Variants in PRKG1 observed in about 807,000 individuals in gnomAD.
The protein encoded by PRKG1 is cGMP-dependent protein kinase 1.
A neutral mutation model predicts 88.1 loss-of-function variants in PRKG1; 35 were observed. That is an observed-to-expected ratio of 0.40 (90% CI 0.30 to 0.53). PRKG1 has a LOEUF of 0.53. Ranked by LOEUF, PRKG1 falls within the 20% of genes least tolerant of loss-of-function variation. The pLI, the probability that PRKG1 is intolerant of heterozygous loss-of-function variation, is 0.59. For missense variants in PRKG1, 540 were observed against 839.8 expected, an observed-to-expected ratio of 0.64 and a Z score of 4.41; for synonymous variants, 303 against 292.5, an observed-to-expected ratio of 1.04 and a Z score of -0.37.
At chr10:51,241,898 A>G (rs1250405088) in intron 2 of PRKG1, among the ~76,000 whole-genome samples, 1 of 152,104 alleles carries the variant, frequency 6.6e-6, no homozygotes, top group Admixed American at 6.6e-5. Flanking sequence ...TTGCATAAGC[A>G]ATATTTAGAA....
At chr10:51,752,204 A>T (rs1398949730) in intron 3 of PRKG1, among the ~76,000 whole-genome samples, 1 of 152,118 alleles carries the variant, frequency 6.6e-6, no homozygotes, top group African/African-American at 2.4e-5. Flanking sequence ...ATATAACCTC[A>T]TTATGCCTTT....
chr10:52,235,486 G>T (rs1311916212), intron 9 of PRKG1, among the ~76,000 whole-genome samples: 2 of 149,742 alleles, frequency 1.3e-5, no homozygotes, highest in Admixed American at 1.3e-4. Context: ...CCAAGCAAAT[G>T]GAGAACAAAA....
intron 2 of PRKG1, among the ~76,000 whole-genome samples, chr10:51,289,315 C>T (rs747444806): frequency 6.6e-6 from 1 of 152,114 alleles, no homozygotes; most frequent in Non-Finnish European, 1.5e-5. Flanking sequence ...GAGCCATCAC[C>T]TCTGGGTAGC....
chr10:51,927,881 A>G (rs919391508), intron 5 of PRKG1, among the ~76,000 whole-genome samples: 3 of 152,160 alleles, frequency 2.0e-5, no homozygotes, highest in Non-Finnish European at 4.4e-5. Flanking sequence ...TTTTATATGA[A>G]GTTTTTGAAG....
At chr10:52,244,899 T>A (rs1194504) in intron 9 of PRKG1, among the ~76,000 whole-genome samples, 120,090 of 135,622 alleles carry the variant, frequency 0.89, 53,791 homozygotes, top group East Asian at 1. Flanking sequence ...ACTTTTTTAA[T>A]AAACTTTTTA....
chr10:51,763,299 C>T (rs780957577), intron 3 of PRKG1, among the ~76,000 whole-genome samples: 19 of 151,926 alleles, frequency 1.3e-4, no homozygotes, highest in Non-Finnish European at 2.2e-4. Context: ...TGGCACAATC[C>T]TAGCTCACTA....
At chr10:51,544,835 AG>A (rs1222289894) in intron 3 of PRKG1, among the ~76,000 whole-genome samples, 3 of 152,178 alleles carry the variant, frequency 2.0e-5, no homozygotes, top group African/African-American at 7.2e-5. Flanking sequence ...CAAATTTACA[AG>A]AAAAAAATCA....
At chr10:51,860,946 A>G (rs1411397589) in intron 4 of PRKG1, among the ~76,000 whole-genome samples, 1 of 152,236 alleles carries the variant, frequency 6.6e-6, no homozygotes. Flanking sequence ...TGAAAAGAAA[A>G]TATGAAAAGT....
intron 4 of PRKG1, among the ~76,000 whole-genome samples, chr10:51,807,364 A>G (rs11814234): frequency 0.44 from 67,199 of 152,032 alleles, 17,502 homozygotes; most frequent in Middle Eastern, 0.6. Context: ...GAAGCCATGT[A>G]GGGGTGGAAA....
At chr10:51,545,188 A>T (rs992224997) in intron 3 of PRKG1, among the ~76,000 whole-genome samples, 3 of 152,166 alleles carry the variant, frequency 2.0e-5, no homozygotes, top group African/African-American at 7.2e-5. Flanking sequence ...TAGACAATCT[A>T]CTCGAAAAAT....
chr10:51,079,228 T>C (rs1469081631), intron 1 of PRKG1, among the ~76,000 whole-genome samples: 1 of 151,874 alleles, frequency 6.6e-6, no homozygotes, highest in African/African-American at 2.4e-5. Flanking sequence ...CATCCAGGAG[T>C]GAACAAGGGG....
intron 9 of PRKG1, among the ~76,000 whole-genome samples, chr10:52,244,639 A>G (rs1249225036): frequency 3.4e-5 from 5 of 147,228 alleles, no homozygotes; most frequent in African/African-American, 1.2e-4. Flanking sequence ...CTCTATATAT[A>G]GGTATTCTTC....
intron 3 of PRKG1, chr10:51,698,516 A>C (rs751412913): frequency 1.2e-6 from 2 of 1,613,998 alleles, no homozygotes; most frequent in Non-Finnish European, 1.7e-6. Flanking sequence ...TTCTCCAGTG[A>C]CTGAAAGCAA....
chr10:51,162,202 GAGCTTACTGGTGTGGCTACCATGGCAAC>G (rs968203395), intron 2 of PRKG1, among the ~76,000 whole-genome samples: 3 of 152,098 alleles, frequency 2.0e-5, no homozygotes, highest in Admixed American at 6.5e-5. Context: ...CAGCACAGGG[GAGCTTACTGGTGTGGCTACCATGGCAAC>G]AGCCTACCCC....
intron 3 of PRKG1, among the ~76,000 whole-genome samples, chr10:51,531,827 T>G (rs1250478710): frequency 6.6e-6 from 1 of 151,782 alleles, no homozygotes; most frequent in East Asian, 1.9e-4. Flanking sequence ...GTATTTTTAG[T>G]AGACACGGGG....
chr10:51,075,390 G>C (rs754992331), intron 1 of PRKG1, among the ~76,000 whole-genome samples: 2 of 152,142 alleles, frequency 1.3e-5, no homozygotes, highest in African/African-American at 2.4e-5. Context: ...CTTCACGCTG[G>C]TACCCTTCAA....
chr10:51,022,206 T>C (rs1298580630), intron 1 of PRKG1, among the ~76,000 whole-genome samples: 1 of 152,118 alleles, frequency 6.6e-6, no homozygotes, highest in Admixed American at 6.6e-5. Flanking sequence ...TTGTCAGTAA[T>C]CAGACTGTGT....
chr10:51,306,637 T>A (rs1841045265), intron 2 of PRKG1: 1 of 152,194 alleles, frequency 6.6e-6, no homozygotes, highest in South Asian at 2.1e-4. Flanking sequence ...AAGAAGTTTG[T>A]GCTTTGCTCT....
At chr10:51,651,818 G>A (rs147674010) in intron 3 of PRKG1, among the ~76,000 whole-genome samples, 20 of 152,028 alleles carry the variant, frequency 1.3e-4, no homozygotes, top group Admixed American at 1.1e-3. Flanking sequence ...TCTTGACCTC[G>A]TGATCCACCT....
Sources: gnomAD v4.1 joint callset for allele counts (sites outside exome capture counted in the v4.1 genomes callset) on GRCh38, gnomAD v4.1.1 for gene constraint, MANE v1.5 for transcripts, NCBI Gene and HGNC (gene_info 2026-07-23, HGNC 2026-07-21) for gene names.